Variants in SCAND3 observed in about 807,000 individuals in gnomAD.
The protein encoded by SCAND3 is SCAN domain-containing protein 3.
the SCAND3 span, among the ~76,000 whole-genome samples, chr6:28,604,543 G>A: frequency 1.3e-5 from 2 of 151,476 alleles, no homozygotes; most frequent in African/African-American, 4.8e-5. Flanking sequence ...TTGAGCCCGG[G>A]ACGCAGAGGT....
chr6:28,579,488 T>A, the SCAND3 span: 6 of 1,355,120 alleles, frequency 4.4e-6, no homozygotes, highest in South Asian at 6.6e-5. The surrounding 1 kb of genome is among the most constrained non-coding windows in gnomAD (Gnocchi z 4.5). Flanking sequence ...AAACTTGTAT[T>A]CTTCCACTAA....
At chr6:28,602,551 C>T in the SCAND3 span, among the ~76,000 whole-genome samples, 1 of 152,224 alleles carries the variant, frequency 6.6e-6, no homozygotes, top group Non-Finnish European at 1.5e-5. Flanking sequence ...TGATAATGAC[C>T]TCTCTTTCTT....
chr6:28,576,804 G>T, the SCAND3 span, among the ~76,000 whole-genome samples: 1 of 150,554 alleles, frequency 6.6e-6, no homozygotes, highest in South Asian at 2.1e-4. Context: ...TAGAGACGGG[G>T]TTTCACTGTG....
chr6:28,593,514 A>T, the SCAND3 span: 1 of 152,140 alleles, frequency 6.6e-6, no homozygotes, highest in Non-Finnish European at 1.5e-5. Flanking sequence ...GTCTCTATTA[A>T]AAATACAAAA....
At chr6:28,573,404 G>C in the SCAND3 span, 1 of 1,613,966 alleles carries the variant, frequency 6.2e-7, no homozygotes, top group African/African-American at 1.3e-5. Context: ...TTGGCAACCG[G>C]AAGTGCTACT....
chr6:28,593,783 C>CA, the SCAND3 span: 5 of 152,268 alleles, frequency 3.3e-5, no homozygotes, highest in African/African-American at 9.6e-5. Context: ...ACGGCTCACT[C>CA]AGCCTCAACC....
the SCAND3 span, among the ~76,000 whole-genome samples, chr6:28,592,744 A>G: frequency 6.6e-6 from 1 of 152,230 alleles, no homozygotes; most frequent in Non-Finnish European, 1.5e-5. The surrounding 1 kb of genome is among the most constrained non-coding windows in gnomAD (Gnocchi z 4.1). Context: ...GAAAGAGAAT[A>G]GAAAGCCCAG....
the SCAND3 span, among the ~76,000 whole-genome samples, chr6:28,578,752 A>G: frequency 6.6e-6 from 1 of 152,184 alleles, no homozygotes; most frequent in East Asian, 1.9e-4. Context: ...CATTGTATCC[A>G]TTTTACCTAA....
chr6:28,579,350 A>T, the SCAND3 span: 1 of 1,613,738 alleles, frequency 6.2e-7, no homozygotes, highest in Non-Finnish European at 8.5e-7. The surrounding 1 kb of genome is among the most constrained non-coding windows in gnomAD (Gnocchi z 4.5). Flanking sequence ...GTGCCTAAAG[A>T]CTCCTTTGCA....
At chr6:28,607,243 C>T in the SCAND3 span, among the ~76,000 whole-genome samples, 2 of 152,128 alleles carry the variant, frequency 1.3e-5, no homozygotes, top group Admixed American at 6.5e-5. Flanking sequence ...TTTGGGAGTG[C>T]GCACTTTCTC....
chr6:28,603,023 C>T, the SCAND3 span, among the ~76,000 whole-genome samples: 2 of 129,342 alleles, frequency 1.5e-5, no homozygotes, highest in African/African-American at 6.3e-5. Flanking sequence ...AGTGCAGTGG[C>T]GCGATCTCGG....
At chr6:28,572,043 A>G in the SCAND3 span, 2 of 1,613,980 alleles carry the variant, frequency 1.2e-6, no homozygotes, top group Non-Finnish European at 1.7e-6. This position sits in a 1 kb window ranked among gnomAD's most constrained non-coding sequence, Gnocchi z 4.1. Context: ...CACTTAAAGT[A>G]GAGAATCCGG....
At chr6:28,581,147 G>A in the SCAND3 span, among the ~76,000 whole-genome samples, 1 of 151,854 alleles carries the variant, frequency 6.6e-6, no homozygotes, top group Non-Finnish European at 1.5e-5. Flanking sequence ...GACCAGCCTG[G>A]GCAACATAGT....
At chr6:28,579,218 G>A in the SCAND3 span, 1 of 1,513,924 alleles carries the variant, frequency 6.6e-7, no homozygotes, top group South Asian at 1.2e-5. This position sits in a 1 kb window ranked among gnomAD's most constrained non-coding sequence, Gnocchi z 4.5. Context: ...TTCAATACTA[G>A]ACCCTTCATT....
At chr6:28,573,065 T>G in the SCAND3 span, 1 of 1,610,668 alleles carries the variant, frequency 6.2e-7, no homozygotes. Flanking sequence ...TCTGAGCTAG[T>G]TGTGTTTGTA....
the SCAND3 span, chr6:28,573,636 A>G: frequency 1.2e-6 from 2 of 1,612,718 alleles, no homozygotes; most frequent in African/African-American, 1.3e-5. Context: ...GTACTTCACC[A>G]TCAATTACAG....
the SCAND3 span, chr6:28,587,608 T>C: frequency 6.6e-6 from 1 of 152,004 alleles, no homozygotes; most frequent in African/African-American, 2.4e-5. Context: ...TGAAACAAAA[T>C]GGAGAGGAGC....
At chr6:28,585,523 C>G in the SCAND3 span, among the ~76,000 whole-genome samples, 3 of 152,302 alleles carry the variant, frequency 2.0e-5, no homozygotes, top group South Asian at 6.2e-4. Flanking sequence ...TGGGAAAACT[C>G]ATACATGAGC....
the SCAND3 span, chr6:28,572,991 T>C: frequency 1.2e-6 from 2 of 1,613,732 alleles, no homozygotes; most frequent in Non-Finnish European, 1.7e-6. This position sits in a 1 kb window ranked among gnomAD's most constrained non-coding sequence, Gnocchi z 4.1. Context: ...AACATACTCC[T>C]ACACAAAATT....
Sources: gnomAD v4.1 joint callset for allele counts (sites outside exome capture counted in the v4.1 genomes callset) on GRCh38, gnomAD v4.1.1 for gene constraint, Gnocchi (gnomAD v3.1) non-coding constraint, MANE v1.5 for transcripts, NCBI Gene and HGNC (gene_info 2026-07-23, HGNC 2026-07-21) for gene names.